The following CPQ variants were observed in gnomAD, a reference collection of about 807,000 sequenced individuals.
CPQ encodes the protein Ser-Met dipeptidase.
Under a neutral mutation model 45.7 loss-of-function variants are expected in CPQ, and 37 were observed. The ratio of observed to expected loss-of-function variants is 0.81; its 90% confidence interval spans 0.62 to 1.07. CPQ has a LOEUF of 1.07. Ranked by LOEUF, CPQ falls within the 50% of genes least tolerant of loss-of-function variation. The pLI, the probability that CPQ is intolerant of heterozygous loss-of-function variation, is 0.00. For synonymous variants in CPQ, 186 were observed against 205.8 expected, an observed-to-expected ratio of 0.90 and a Z score of 0.82; for missense variants, 537 against 572.9, an observed-to-expected ratio of 0.94 and a Z score of 0.64.
At chr8:96,909,828 C>T (rs905895966) in intron 4 of CPQ, among the ~76,000 whole-genome samples, 27 of 152,172 alleles carry the variant, frequency 1.8e-4, no homozygotes, top group Admixed American at 1.6e-3. Flanking sequence ...ACCCAGATTA[C>T]TTAGGCTTTT....
intron 7 of CPQ, among the ~76,000 whole-genome samples, chr8:97,098,251 A>G (rs1486513677): frequency 6.6e-6 from 1 of 152,166 alleles, no homozygotes; most frequent in Non-Finnish European, 1.5e-5. Context: ...AAATCCCACC[A>G]TGAACCAAGC....
rs546771867 is a variant in CPQ at position 96,825,280 on chromosome 8, C to T, written c.434-9693C>T. 3.9e-5 allele frequency among the ~76,000 whole-genome samples: 6 copies of T among 152,130 alleles called. No homozygotes were observed. In the South Asian group the frequency reaches 1.0e-3, roughly 26 times the overall value. On this transcript the variant is annotated intron_variant, in intron 2 of 7. Transcript: ENST00000220763. ...TGGGAACTTCTGGAAAAGATACTTT[C>T]TCTTTCCCTGGGCCTATAGTTAGGA... is the stretch of plus-strand genomic sequence containing the variant.
intron 1 of CPQ, among the ~76,000 whole-genome samples, chr8:96,645,767 C>A (rs1815511745): frequency 6.6e-6 from 1 of 151,816 alleles, no homozygotes; most frequent in Non-Finnish European, 1.5e-5. Context: ...CCCCTTCATC[C>A]CCCATCTGCA....
chr8:96,856,094 G>A (rs189538329), intron 3 of CPQ, among the ~76,000 whole-genome samples: 70 of 152,312 alleles, frequency 4.6e-4, no homozygotes, highest in Admixed American at 2.2e-3. Flanking sequence ...TTCATGGAAG[G>A]TCATATAGGC....
At chr8:96,959,167 G>C (rs1397749496) in intron 4 of CPQ, among the ~76,000 whole-genome samples, 1 of 152,134 alleles carries the variant, frequency 6.6e-6, no homozygotes, top group Non-Finnish European at 1.5e-5. Context: ...TGAAAACATG[G>C]ATTTCTTGAG....
chr8:96,831,336 T>TA (rs546164636), intron 2 of CPQ, among the ~76,000 whole-genome samples: 3 of 151,938 alleles, frequency 2.0e-5, no homozygotes, highest in South Asian at 2.1e-4. Context: ...ATAAATGCTG[T>TA]AAAAAAAATT....
In CPQ at chr8:96,772,596, A is replaced by G. The variant is rs888302503; in HGVS notation, c.-34-12268A>G. Among the ~76,000 whole-genome samples, 11 of 152,252 alleles carry G rather than the reference A, an allele frequency of 7.2e-5. 1 individual carries two copies. The South Asian group carries it at 1.7e-3, about 23-fold the overall frequency. ...AAGCCTTAGGAATCACTAAAATTTA[A>G]AGGACAGATGGGGGAAGGGACCCTG... On this transcript the variant is annotated intron_variant, in intron 1 of 7. Transcript: ENST00000220763.
intron 2 of CPQ, among the ~76,000 whole-genome samples, chr8:96,821,368 C>G (rs1337554460): frequency 1.3e-5 from 2 of 151,668 alleles, no homozygotes; most frequent in Non-Finnish European, 2.9e-5. Flanking sequence ...TTGCCCAGAC[C>G]AATGTTCTGG....
chr8:96,949,969 TCA>T (rs1813237210), intron 4 of CPQ, among the ~76,000 whole-genome samples: 1 of 152,150 alleles, frequency 6.6e-6, no homozygotes, highest in Non-Finnish European at 1.5e-5. Context: ...TCTTTAATTA[TCA>T]CGTTTGGAAT....
chr8:96,735,842 A>G (rs1809975258), intron 1 of CPQ, among the ~76,000 whole-genome samples: 1 of 152,148 alleles, frequency 6.6e-6, no homozygotes, highest in South Asian at 2.1e-4. Context: ...TCTAACAGCA[A>G]GTCACTTCTT....
intron 1 of CPQ, among the ~76,000 whole-genome samples, chr8:96,738,942 G>A (rs1327750632): frequency 1.0e-3 from 159 of 151,884 alleles, no homozygotes; most frequent in African/African-American, 3.7e-3. Flanking sequence ...TGTCTTTATA[G>A]CAGCATGATT....
At chr8:96,737,425 A>T (rs549429237) in intron 1 of CPQ, among the ~76,000 whole-genome samples, 1 of 150,652 alleles carries the variant, frequency 6.6e-6, no homozygotes, top group Non-Finnish European at 1.5e-5. Flanking sequence ...GGCTGTCTGC[A>T]AGGGGAGGAG....
intron 4 of CPQ, among the ~76,000 whole-genome samples, chr8:96,907,238 TG>T (rs1203384294): frequency 5.3e-5 from 8 of 152,318 alleles, no homozygotes. Context: ...TTGCTCTGCA[TG>T]GTCATTCGGT....
intron 7 of CPQ, among the ~76,000 whole-genome samples, chr8:97,116,532 T>C (rs889004328): frequency 2.0e-5 from 3 of 152,100 alleles, no homozygotes; most frequent in Non-Finnish European, 2.9e-5. Flanking sequence ...TTTTTCCAAA[T>C]TTTTAGAAAT....
chr8:96,997,040 T>G (rs1366009046), intron 5 of CPQ, among the ~76,000 whole-genome samples: 1 of 152,038 alleles, frequency 6.6e-6, no homozygotes, highest in Non-Finnish European at 1.5e-5. Context: ...ATCATAATTC[T>G]GTACTACAGC....
In CPQ at chr8:97,018,528, G is replaced by C. The variant is rs537559876; in HGVS notation, c.962-10875G>C. 1.1e-4 allele frequency among the ~76,000 whole-genome samples: 17 copies of C among 152,260 alleles called. 1 individual carries two copies. Among genetic ancestry groups the C allele is most frequent in the Admixed American group, 8.5e-4 (13 of 15,292 alleles). On this transcript the variant is annotated intron_variant, in intron 5 of 7. Transcript: ENST00000220763. The stretch of plus-strand genomic sequence containing the variant: ...GAAGGGAGAAATATTCAGTGAAATA[G>C]ATAGCATAAATAAAAAACAATCAAA...
At chr8:97,014,625 G>A (rs1296625740) in intron 5 of CPQ, among the ~76,000 whole-genome samples, 1 of 145,602 alleles carries the variant, frequency 6.9e-6, no homozygotes, top group East Asian at 2.0e-4. Context: ...CTGGGTGACA[G>A]AGGGAGACTC....
intron 1 of CPQ, among the ~76,000 whole-genome samples, chr8:96,651,924 G>T (rs377694405): frequency 6.6e-6 from 1 of 152,096 alleles, no homozygotes; most frequent in Non-Finnish European, 1.5e-5. Flanking sequence ...AATGTGGAAT[G>T]ATTAAATCAA....
At chr8:96,701,958 C>T (rs1809467828) in intron 1 of CPQ, among the ~76,000 whole-genome samples, 1 of 152,196 alleles carries the variant, frequency 6.6e-6, no homozygotes, top group African/African-American at 2.4e-5. Flanking sequence ...GGGAGGTTTG[C>T]TTTGAGAAGG....
Sources: allele counts gnomAD v4.1 joint callset (sites outside exome capture counted in the v4.1 genomes callset), GRCh38; gene constraint gnomAD v4.1.1; transcripts MANE v1.5; gene names NCBI Gene and HGNC (gene_info 2026-07-23, HGNC 2026-07-21).